Variants in TSNAXIP1 observed in about 807,000 individuals in gnomAD.
TSNAXIP1 encodes translin associated factor X interacting protein 1, also known as translin-associated factor X-interacting protein 1.
A neutral mutation model predicts 84.8 loss-of-function variants in TSNAXIP1; 89 were observed. That is an observed-to-expected ratio of 1.05 (90% confidence interval 0.88 to 1.25). The LOEUF (loss-of-function observed/expected upper bound fraction) is 1.25, where lower values mean the gene tolerates loss of function less well. TSNAXIP1 is among the 50% of genes most tolerant of loss of function. The pLI is 0.00. For synonymous variants in TSNAXIP1, 347 were observed against 335.2 expected (o/e 1.04, Z -0.39); for missense variants, 874 against 887.6 (o/e 0.98, Z 0.20).
At chr16:67,818,168 C>G (rs769221421) in intron 2 of TSNAXIP1, among the ~76,000 whole-genome samples, 7 of 152,114 alleles carry the variant, frequency 4.6e-5, no homozygotes, top group Non-Finnish European at 1.0e-4. Flanking sequence ...GAGATTGTGC[C>G]ACTGCACCCC....
At chr16:67,815,020 A>C (rs2056423134) in intron 2 of TSNAXIP1, among the ~76,000 whole-genome samples, 1 of 152,078 alleles carries the variant, frequency 6.6e-6, no homozygotes, top group Non-Finnish European at 1.5e-5. Context: ...ATGAAATTTA[A>C]ATTAAAAAAA....
Position 67,819,815 on chromosome 16 carries a change from A to ATTTTTTTTTTTTTTTTTTTTTTTT in TSNAXIP1, c.148-1002_148-1001insTTTTTTTTTTTTTTTTTTTTTTTT, listed in dbSNP as rs1162375778. On this transcript the variant is annotated intron_variant, in intron 2 of 15. Coordinates refer to ENST00000561639, the MANE Select transcript of TSNAXIP1 (RefSeq NM_001288990.3). ...AGCACATGCCACCACACCTGGCTAAATTTTTTTTTTTTTTTTTTTTTTGAG... is the reference window on the plus strand; with the variant it reads ...AGCACATGCCACCACACCTGGCTAAATTTTTTTTTTTTTTTTTTTTTTTTTTTTTTTTTTTTTTTTTTTTTTGAG... 6.3e-4 allele frequency among the ~76,000 whole-genome samples: 65 copies of ATTTTTTTTTTTTTTTTTTTTTTTT among 102,636 alleles called. 1 individual carries two copies. Among genetic ancestry groups the ATTTTTTTTTTTTTTTTTTTTTTTT allele is most frequent in the Non-Finnish European group, 8.9e-4 (46 of 51,578 alleles). 67.3% of individuals were successfully genotyped at this position (102,636 alleles called of 152,430 possible).
At position 67,826,208 on chromosome 16, in the gene TSNAXIP1, G is replaced by C. The variant is rs750791558; in HGVS notation, c.1201G>C (p.Asp401His). ...WQMLAEGKNSDQLVDVLLEEI... is the reference protein window; with the variant it reads ...WQMLAEGKNSHQLVDVLLEEI... ...GATGCTGGCTGAGGGCAAGAACAGC[G>C]ACCAGCTGGTGGACGTGCTCCTGGA... The change falls in exon 10 of 16, where the codon GAC (aspartate) becomes CAC (histidine). Residue 401 changes from aspartate to histidine, a missense_variant. By Grantham distance (81) the Asp-to-His change is moderately conservative (BLOSUM62 -1). Coordinates refer to ENST00000561639, the MANE Select transcript of TSNAXIP1 (RefSeq NM_001288990.3). 1 of 1,608,968 alleles carries C rather than the reference G, an allele frequency of 6.2e-7. No homozygotes were observed. Among genetic ancestry groups the C allele is most frequent in the African/African-American group, 1.3e-5 (1 of 74,854 alleles).
chr16:67,807,350 T>A, intron 1 of TSNAXIP1, 154 bp downstream of exon 1: 3 of 1,533,722 alleles, frequency 2.0e-6, no homozygotes, highest in Non-Finnish European at 2.6e-6. Context: ...ATCGGGCTGA[T>A]TTAGCCCAGT....
intron 7 of TSNAXIP1, 84 bp downstream of exon 7, chr16:67,825,356 G>A (rs148570176): frequency 6.4e-6 from 10 of 1,555,286 alleles, no homozygotes; most frequent in East Asian, 4.5e-5. Context: ...CATTCATTCA[G>A]CATTCCTAAG....
intron 2 of TSNAXIP1, among the ~76,000 whole-genome samples, chr16:67,815,645 T>C (rs1265076907): frequency 6.6e-4 from 99 of 149,500 alleles, no homozygotes; most frequent in African/African-American, 2.4e-3. Flanking sequence ...ACTACAGGAG[T>C]GCGCCACCAC....
chr16:67,819,710 C>T (rs2056878535), intron 2 of TSNAXIP1, among the ~76,000 whole-genome samples: 1 of 148,402 alleles, frequency 6.7e-6, no homozygotes, highest in Non-Finnish European at 1.5e-5. Flanking sequence ...TGCAATGGTG[C>T]AATCTCAGCT....
Position 67,823,613 on chromosome 16 carries a change from C to G in TSNAXIP1, c.388-13C>G, listed in dbSNP as rs751408119. 5.0e-6 allele frequency: 8 copies of G among 1,612,302 alleles called. No homozygotes were observed. In the South Asian group the frequency reaches 8.8e-5, roughly 18 times the overall value. ...TGTGGGCTAGGAGATGATGGGTTCCCTTTTCTTGCCAGCCTTACAGAGAGA... is the reference window on the plus strand; with the variant it reads ...TGTGGGCTAGGAGATGATGGGTTCCGTTTTCTTGCCAGCCTTACAGAGAGA... On this transcript the variant is annotated splice_polypyrimidine_tract_variant and intron_variant, in intron 4 of 15. Coordinates refer to ENST00000561639, the MANE Select transcript of TSNAXIP1 (RefSeq NM_001288990.3).
intron 4 of TSNAXIP1, among the ~76,000 whole-genome samples, chr16:67,822,975 G>T (rs1158344197): frequency 2.0e-5 from 3 of 152,224 alleles, no homozygotes; most frequent in South Asian, 2.1e-4. Context: ...CAGGCTCTAA[G>T]ATGGGGAGAG....
At position 67,827,325 on chromosome 16, in the gene TSNAXIP1, C is replaced by T; in HGVS notation, c.1741C>T (p.Pro581Ser). 1 of 1,614,208 alleles carries T rather than the reference C, an allele frequency of 6.2e-7. No homozygotes were observed. Among genetic ancestry groups the T allele is most frequent in the East Asian group, 2.2e-5 (1 of 44,880 alleles). The change falls in exon 14 of 16, where the codon CCC (proline) becomes TCC (serine). Residue 581 changes from proline (P) to serine (S), a missense_variant. Physicochemically the swap from Pro to Ser is moderately conservative, Grantham distance 74 (BLOSUM62 -1). Transcript: ENST00000561639. ...GCTGATGGAGGCAGGGGGCTGGCAT[C>T]CCAGCAGCAGCAATGCAGACTTGCT... The part of the protein sequence containing the change: ...QELMEAGGWH[P>S]SSSNADLLNY...
At chr16:67,807,333 G>C in intron 1 of TSNAXIP1, 137 bp downstream of exon 1, 1 of 1,534,054 alleles carries the variant, frequency 6.5e-7, no homozygotes, top group Admixed American at 2.0e-5. Flanking sequence ...CAGAGTCAAT[G>C]GTTAGAATCG....
intron 1 of TSNAXIP1, among the ~76,000 whole-genome samples, chr16:67,811,717 C>T (rs918014500): frequency 6.6e-6 from 1 of 152,124 alleles, no homozygotes; most frequent in Non-Finnish European, 1.5e-5. Flanking sequence ...GCTGGGATTA[C>T]AGGCTTGAGC....
Position 67,825,260 on chromosome 16 carries a change from G to T in TSNAXIP1, c.802G>T (p.Ala268Ser), listed in dbSNP as rs61744920. 8.3e-5 allele frequency: 134 copies of T among 1,613,984 alleles called. No individual in the cohort carries two copies. The African/African-American group carries it at 1.7e-3, about 20-fold the overall frequency. Residue 268 changes from alanine to serine, a missense_variant, in exon 7 of 16, where the codon GCC (alanine) becomes TCC (serine). By Grantham distance (99) the Ala-to-Ser change is moderately conservative (BLOSUM62 1). Transcript: ENST00000561639. Reference protein sequence around the residue: ...LRYQREDMSLAQSPGIWGEDP... With the variant: ...LRYQREDMSLSQSPGIWGEDP... ...GTACCAGCGGGAGGACATGTCATTA[G>T]CCCAGTCGCCAGGTAAGCCTGAATT... is the stretch of plus-strand genomic sequence containing the variant.
At chr16:67,820,774 A>T in intron 2 of TSNAXIP1, 65 bp from the exon 3 acceptor site, 1 of 1,221,758 alleles carries the variant, frequency 8.2e-7, no homozygotes, top group Non-Finnish European at 1.1e-6. Context: ...GGGAGGAGAG[A>T]TGGAGAGAAA....
chr16:67,807,049 G>C lies in TSNAXIP1; in HGVS notation c.-101G>C. 1 of 1,483,600 alleles carries C rather than the reference G, an allele frequency of 6.7e-7. No individual in the cohort carries two copies. Among genetic ancestry groups the C allele is most frequent in the African/African-American group, 1.4e-5 (1 of 70,628 alleles). The allele number at this position is 1,483,600 out of a possible 1,614,324, so 91.9% of individuals were successfully genotyped here. On this transcript the variant is annotated 5_prime_UTR_variant, in exon 1 of 16. Transcript: ENST00000561639. ...GTGGCGCATCCCTGACTCCGCCCCC[G>C]CCGCGGGGGGGCCTCTGGGGCCTGG...
chr16:67,817,315 A>ATTTTTTTTTTTT (rs561026786), intron 2 of TSNAXIP1, among the ~76,000 whole-genome samples: 1 of 128,874 alleles, frequency 7.8e-6, no homozygotes, highest in African/African-American at 2.8e-5. Flanking sequence ...GCGCCCGGCT[A>ATTTTTTTTTTTT]TTTTTTTTTT....
chr16:67,812,078 A>T (rs570633886), intron 1 of TSNAXIP1, among the ~76,000 whole-genome samples: 1 of 152,150 alleles, frequency 6.6e-6, no homozygotes, highest in South Asian at 2.1e-4. Flanking sequence ...AAAGACACTG[A>T]GGTTCAGAGA....
Position 67,827,683 on chromosome 16 carries a change from G to C in TSNAXIP1, c.1899-70G>C, listed in dbSNP as rs1459612937. 6 of 1,610,680 alleles carry C rather than the reference G, an allele frequency of 3.7e-6. No individual in the cohort carries two copies. The East Asian group carries it at 1.1e-4, about 30-fold the overall frequency. On this transcript the variant is annotated intron_variant, in intron 15 of 15. Coordinates refer to ENST00000561639, the MANE Select transcript of TSNAXIP1 (RefSeq NM_001288990.3). ...ATCCACTGCTCAGCCCAGCACAGAG[G>C]AGGGCACCTGGGAGTCTGGGGCACG...
chr16:67,822,566 AAGAGAGAG>A (rs143349223), intron 4 of TSNAXIP1, among the ~76,000 whole-genome samples: 1 of 148,972 alleles, frequency 6.7e-6, no homozygotes, highest in Non-Finnish European at 1.5e-5. Flanking sequence ...GGGAGGGAGG[AAGAGAGAG>A]AGAGAGAGAG....
Sources: allele counts gnomAD v4.1 joint callset (sites outside exome capture counted in the v4.1 genomes callset), GRCh38; gene constraint gnomAD v4.1.1; transcripts MANE v1.5; gene names NCBI Gene and HGNC (gene_info 2026-07-23, HGNC 2026-07-21).